Variants in EIF3B observed in about 807,000 individuals in gnomAD.
The protein encoded by EIF3B is eukaryotic translation initiation factor 3 subunit B.
A neutral mutation model predicts 104.6 loss-of-function variants in EIF3B; 10 were observed. The ratio of observed to expected loss-of-function variants is 0.10; its 90% CI spans 0.06 to 0.16. The LOEUF (loss-of-function observed/expected upper bound fraction) is 0.16. Ranked by LOEUF, EIF3B falls within the 10% of genes least tolerant of loss-of-function variation. The pLI, the probability that EIF3B is intolerant of heterozygous loss-of-function variation, is 1.00. For missense variants in EIF3B, 1,014 were observed against 1,087.9 expected, an observed-to-expected ratio of 0.93 and a Z score of 0.96; for synonymous variants, 542 against 417.2, an observed-to-expected ratio of 1.30 and a Z score of -3.65.
At chr7:2,364,584 T>C in intron 6 of EIF3B, 55 bp downstream of exon 6, 1 of 1,481,968 alleles carries the variant, frequency 6.7e-7, no homozygotes, top group Non-Finnish European at 9.2e-7. Context: ...ATGCCAGCCT[T>C]CTACAGGTGA....
At chr7:2,370,474 C>T (rs1040840289) in intron 10 of EIF3B, among the ~76,000 whole-genome samples, 1 of 151,792 alleles carries the variant, frequency 6.6e-6, no homozygotes, top group Non-Finnish European at 1.5e-5. Flanking sequence ...AGCCAGACTG[C>T]GTCTCACAAA....
intron 1 of EIF3B, among the ~76,000 whole-genome samples, chr7:2,356,613 AAAAAAG>A (rs1443982696): frequency 0.012 from 1,740 of 150,696 alleles, 34 homozygotes; most frequent in African/African-American, 0.04. Context: ...AAAAAAAAAA[AAAAAAG>A]AAAAAGAAAA....
intron 1 of EIF3B, among the ~76,000 whole-genome samples, chr7:2,356,820 G>A (rs916962507): frequency 1.3e-5 from 2 of 151,794 alleles, no homozygotes; most frequent in African/African-American, 4.8e-5. Context: ...AAATAAAAAC[G>A]CTGTCAGTTA....
intron 9 of EIF3B, among the ~76,000 whole-genome samples, chr7:2,367,814 C>CT (rs1444178913): frequency 1.3e-5 from 1 of 79,066 alleles, no homozygotes; most frequent in Non-Finnish European, 2.4e-5. Context: ...TGAGTTTGTT[C>CT]TTTTTTTAAA....
chr7:2,356,938 C>T (rs1041030514), intron 1 of EIF3B, among the ~76,000 whole-genome samples: 3 of 152,102 alleles, frequency 2.0e-5, no homozygotes, highest in Non-Finnish European at 2.9e-5. Flanking sequence ...TAGTCTACGC[C>T]CCTCAGTCCT....
At chr7:2,358,673 C>A (rs1779582567) in intron 1 of EIF3B, among the ~76,000 whole-genome samples, 1 of 151,968 alleles carries the variant, frequency 6.6e-6, no homozygotes, top group South Asian at 2.1e-4. Context: ...ATTACAGGCA[C>A]CCACCACCAT....
At chr7:2,371,057 C>T (rs530110418) in intron 10 of EIF3B, among the ~76,000 whole-genome samples, 6 of 152,230 alleles carry the variant, frequency 3.9e-5, no homozygotes, top group East Asian at 3.9e-4. Context: ...AGTGAGACTC[C>T]GTCTCAAAAA....
intron 6 of EIF3B, among the ~76,000 whole-genome samples, chr7:2,365,767 C>G (rs544371091): frequency 6.6e-6 from 1 of 151,796 alleles, no homozygotes; most frequent in South Asian, 2.1e-4. Context: ...CCTCCACCTC[C>G]CGGGTTCAAG....
intron 2 of EIF3B, among the ~76,000 whole-genome samples, chr7:2,361,912 G>A (rs1274746749): frequency 1.3e-5 from 2 of 151,814 alleles, no homozygotes; most frequent in Non-Finnish European, 2.9e-5. Flanking sequence ...AAGTAGCCGG[G>A]ATTACAGGCG....
upstream of EIF3B, chr7:2,354,776 G>A: frequency 1.3e-6 from 1 of 785,798 alleles, no homozygotes; most frequent in Non-Finnish European, 1.6e-6. Flanking sequence ...CCCAGGGCGT[G>A]GGTGCGCCCC....
In EIF3B at chr7:2,362,667, T is replaced by C; in HGVS notation, c.715T>C (p.Ser239Pro). 1 of 1,614,214 alleles carries C rather than the reference T, an allele frequency of 6.2e-7. No individual in the cohort carries two copies. The highest frequency in any genetic ancestry group is 8.5e-7 in the Non-Finnish European group (1 of 1,180,044). ...CAGGTATATTTTCCTGGAGTACGCG[T>C]CCCCTGCCCACGCTGTGGATGCTGT... ...TKGYIFLEYA[S>P]PAHAVDAVKN... Residue 239 changes from serine to proline, a missense_variant, in exon 3 of 19, where the codon TCC becomes CCC. By Grantham distance (74) the Ser-to-Pro change is moderately conservative. This residue lies in a region of EIF3B where 488 missense variants were observed against 404.3 expected (regional missense o/e 1.21). Coordinates refer to ENST00000360876, the MANE Select transcript of EIF3B (RefSeq NM_001037283.2).
chr7:2,368,324 T>G lies in EIF3B; in HGVS notation c.1404-1148T>G, dbSNP rs1412484944. 2.6e-5 allele frequency among the ~76,000 whole-genome samples: 4 copies of G among 152,018 alleles called. No individual in the cohort carries two copies. In the East Asian group the frequency reaches 7.7e-4, roughly 29 times the overall value. ...ACGCCCAGCTAATTTTTTGTATATTTTAGAAGAGTCGGGGTTTCACCATGT... is the reference window on the plus strand; with the variant it reads ...ACGCCCAGCTAATTTTTTGTATATTGTAGAAGAGTCGGGGTTTCACCATGT... On this transcript the variant is annotated intron_variant, in intron 9 of 18. Transcript: ENST00000360876.
intron 10 of EIF3B, among the ~76,000 whole-genome samples, chr7:2,370,510 T>A (rs1479118424): frequency 6.6e-6 from 1 of 152,156 alleles, no homozygotes; most frequent in East Asian, 1.9e-4. Context: ...GAGTTTTCCC[T>A]CTAATAGAAG....
In EIF3B at chr7:2,375,418, C is replaced by G. The variant is rs1292089661; in HGVS notation, c.1919C>G (p.Thr640Ser). 37 of 1,614,234 alleles carry G rather than the reference C, an allele frequency of 2.3e-5. No homozygotes were observed. The highest frequency in any genetic ancestry group is 3.1e-5 in the Non-Finnish European group (36 of 1,180,048). The change falls in exon 14 of 19, where the codon ACT becomes AGT. Residue 640 changes from threonine (T) to serine (S), a missense_variant. Thr to Ser is a moderately conservative substitution (Grantham distance 58, BLOSUM62 1). Coordinates refer to ENST00000360876, the MANE Select transcript of EIF3B (RefSeq NM_001037283.2). ...AACGGTGCCTTAGCGTTTGTGGACA[C>G]TTCGGACTGCACGGTCATGAACATC... ...SMNGALAFVD[T>S]SDCTVMNIAE...
chr7:2,362,629 GC>G lies in EIF3B; in HGVS notation c.693-13del. On this transcript the variant is annotated splice_polypyrimidine_tract_variant and intron_variant, in intron 2 of 18. Transcript: ENST00000360876. The stretch of plus-strand genomic sequence containing the variant: ...CTTACAGTGTGGGTATGTGCCAACG[GC>G]CCTCTCTCACTCAGGTATATTTTCC... 5 of 1,614,032 alleles carry G rather than the reference GC, an allele frequency of 3.1e-6. No individual in the cohort carries two copies. The highest frequency in any genetic ancestry group is 4.2e-6 in the Non-Finnish European group (5 of 1,179,984).
At chr7:2,364,188 G>A (rs1779885248) in intron 5 of EIF3B, 184 bp from the exon 6 acceptor site, 1 of 567,412 alleles carries the variant, frequency 1.8e-6, no homozygotes, top group Non-Finnish European at 3.0e-6. Context: ...CATGAACCTG[G>A]GAGGTGGAGC....
Position 2,372,876 on chromosome 7 carries a change from A to C in EIF3B, c.1810+81A>C. On this transcript the variant is annotated intron_variant, in intron 12 of 18. Transcript: ENST00000360876. ...GTCGCTGCCCAACAGTGAGCATTTG[A>C]CTGGCCTAGGACCACTGCTGGGCAG... The C allele has an allele frequency of 2.6e-6, 4 of 1,530,612 alleles. No homozygotes were observed. The South Asian group carries it at 5.0e-5, about 19-fold the overall frequency. The allele number at this position is 1,530,612 out of a possible 1,614,324, so 94.8% of individuals were successfully genotyped here.
In EIF3B at chr7:2,360,971, G is replaced by C. The variant is rs557827216; in HGVS notation, c.692+69G>C. On this transcript the variant is annotated intron_variant, in intron 2 of 18. Coordinates refer to ENST00000360876, the MANE Select transcript of EIF3B (RefSeq NM_001037283.2). ...GTCATGATGAGGGAGTGTTGCAGGA[G>C]ATCCTTACTAACACAGCTCCTGCCT... 1.1e-5 allele frequency: 14 copies of C among 1,332,776 alleles called. No homozygotes were observed. The South Asian group carries it at 1.8e-4, about 17-fold the overall frequency. 82.6% of individuals were successfully genotyped at this position (1,332,776 alleles called of 1,614,324 possible). A position where few individuals can be genotyped will look rare whatever the true frequency, so the allele number is the denominator to read the frequency against.
At chr7:2,362,972 G>GGGCA (rs1554273528) in intron 3 of EIF3B, 98 bp from the exon 4 acceptor site, 2 of 1,495,156 alleles carry the variant, frequency 1.3e-6, no homozygotes, top group Non-Finnish European at 1.9e-6. Context: ...CCCTGGGGGC[G>GGGCA]GGCAGGCAGG....
Sources: allele counts gnomAD v4.1 joint callset (sites outside exome capture counted in the v4.1 genomes callset), GRCh38; gene constraint gnomAD v4.1.1; regional missense constraint gnomAD v4.1.1; transcripts MANE v1.5; gene names NCBI Gene and HGNC (gene_info 2026-07-23, HGNC 2026-07-21).